The following TBL1X variants were observed in gnomAD, a reference collection of about 807,000 sequenced individuals.
The protein encoded by TBL1X is transducin beta like 1 X-linked, also known as F-box-like/WD repeat-containing protein TBL1X.
In TBL1X, 10 loss-of-function variants were observed where a neutral mutation model predicts 50.7. That is an observed-to-expected ratio of 0.20 (90% confidence interval 0.12 to 0.33). TBL1X has a LOEUF of 0.33. Among genes scored for constraint, TBL1X ranks in the 10% least tolerant of loss-of-function variants. The pLI, the probability that TBL1X is intolerant of heterozygous loss-of-function variation, is 1.00. For missense variants in TBL1X, 340 were observed against 504.4 expected (o/e 0.67, Z 3.12); for synonymous variants, 190 against 214.7 (o/e 0.88, Z 1.01).
At chrX:9,637,101 C>A (rs1254086483) in intron 2 of TBL1X, 3 of 112,196 alleles carry the variant, frequency 2.7e-5, no homozygotes. Flanking sequence ...AGGAAATACA[C>A]AAAGACTGCC....
rs201963539 is a variant in TBL1X at position 9,692,216 on chromosome X, G to A, written c.853G>A (p.Val285Ile). The A allele has an allele frequency of 1.3e-5, 15 of 1,199,917 alleles. No homozygotes were observed. The highest frequency in any genetic ancestry group is 1.8e-5 in the South Asian group (1 of 54,547). ...RHCIREGGHDVPSNKDVTSLD... is the reference protein window; with the variant it reads ...RHCIREGGHDIPSNKDVTSLD... ...CTGTATACGAGAGGGGGGCCATGAC[G>A]TCCCGAGTAACAAAGACGTCACCTC... Residue 285 changes from valine (V) to isoleucine (I), a missense_variant, in exon 9 of 18, where the codon GTC (valine) becomes ATC (isoleucine). By Grantham distance (29) the Val-to-Ile change is conservative. Coordinates refer to ENST00000645353, the MANE Select transcript of TBL1X (RefSeq NM_005647.4).
chrX:9,698,861 A>G (rs750581246), intron 12 of TBL1X, among the ~76,000 whole-genome samples: 2 of 107,009 alleles, frequency 1.9e-5, no homozygotes, highest in East Asian at 3.0e-4. Flanking sequence ...TCTGGAGCCA[A>G]CTACATCCCT....
intron 1 of TBL1X, among the ~76,000 whole-genome samples, chrX:9,478,565 T>C (rs957451031): frequency 3.6e-5 from 4 of 111,654 alleles, no homozygotes; most frequent in Non-Finnish European, 5.6e-5. Context: ...TAATAGGCCT[T>C]GTCCCAAACT....
At chrX:9,510,185 C>A (rs1348208324) in intron 2 of TBL1X, among the ~76,000 whole-genome samples, 1 of 111,633 alleles carries the variant, frequency 9.0e-6, no homozygotes, top group Non-Finnish European at 1.9e-5. Context: ...GGGCATCCTA[C>A]ACTGCCCAGG....
intron 12 of TBL1X, among the ~76,000 whole-genome samples, chrX:9,698,268 C>G (rs982231280): frequency 1.8e-5 from 2 of 111,374 alleles, no homozygotes; most frequent in Non-Finnish European, 3.8e-5. Flanking sequence ...GTGCGGGCTC[C>G]TTTCTCTTGC....
At chrX:9,580,554 G>A (rs2082435451) in intron 2 of TBL1X, among the ~76,000 whole-genome samples, 1 of 111,723 alleles carries the variant, frequency 9.0e-6, no homozygotes, top group Non-Finnish European at 1.9e-5. Flanking sequence ...GCAGTTCCCA[G>A]CTGGATTTTC....
chrX:9,666,182 G>A (rs2082929781), intron 5 of TBL1X, among the ~76,000 whole-genome samples: 2 of 111,670 alleles, frequency 1.8e-5, no homozygotes, highest in Admixed American at 1.9e-4. Context: ...TTAATTTGGG[G>A]GATCTGTTTT....
intron 1 of TBL1X, among the ~76,000 whole-genome samples, chrX:9,491,338 A>ATATATATATATATTT (rs1328551249): frequency 6.4e-5 from 2 of 31,314 alleles, no homozygotes; most frequent in Non-Finnish European, 1.1e-4. Flanking sequence ...ATATATATAT[A>ATATATATATATATTT]TTTTTTTTTT....
At chrX:9,687,611 C>G (rs181844324) in intron 6 of TBL1X, among the ~76,000 whole-genome samples, 1 of 110,990 alleles carries the variant, frequency 9.0e-6, no homozygotes, top group East Asian at 2.9e-4. Context: ...CCTCTCCTCC[C>G]TTAGTTGTAA....
At chrX:9,698,774 G>C (rs1379340252) in intron 12 of TBL1X, among the ~76,000 whole-genome samples, 1 of 112,057 alleles carries the variant, frequency 8.9e-6, no homozygotes, top group Admixed American at 9.4e-5. Flanking sequence ...GGCCGGCCTT[G>C]CAAGCAAGCC....
chrX:9,510,225 A>G (rs182701312), intron 2 of TBL1X, among the ~76,000 whole-genome samples: 11 of 111,403 alleles, frequency 9.9e-5, no homozygotes, highest in Non-Finnish European at 1.5e-4. Context: ...CCAGCCCTAA[A>G]TGTCTACAGT....
At chrX:9,702,184 C>A (rs1039410072) in intron 12 of TBL1X, among the ~76,000 whole-genome samples, 2 of 111,130 alleles carry the variant, frequency 1.8e-5, no homozygotes, top group African/African-American at 6.5e-5. Flanking sequence ...TCCTGTAATC[C>A]CAGCACTTTG....
chrX:9,491,309 TA>T (rs1569205429), intron 1 of TBL1X, among the ~76,000 whole-genome samples: 21 of 29,301 alleles, frequency 7.2e-4, no homozygotes, highest in African/African-American at 2.2e-3. Flanking sequence ...AGTATATTTA[TA>T]TATATATATA....
intron 2 of TBL1X, among the ~76,000 whole-genome samples, chrX:9,509,500 T>TTTC (rs1442012698): frequency 1.0e-5 from 1 of 97,830 alleles, no homozygotes; most frequent in Non-Finnish European, 2.1e-5. Flanking sequence ...TTTTTTTTTT[T>TTTC]TTGAGTCAGG....
rs746619781 is a variant in TBL1X, at chrX:9,684,276, C to T, written c.357+88C>T. 161 of 1,125,647 alleles carry T rather than the reference C, an allele frequency of 1.4e-4. No individual in the cohort carries two copies. In the African/African-American group the frequency reaches 2.5e-3, roughly 17 times the overall value. The allele number at this position is 1,125,647 out of a possible 1,213,427, so 92.8% of individuals were successfully genotyped here. On this transcript the variant is annotated intron_variant, in intron 6 of 17. Coordinates refer to ENST00000645353, the MANE Select transcript of TBL1X (RefSeq NM_005647.4). ...ACACATTGGAAGCTAACATGCATTT[C>T]CCTCAGGCATTTGGGATTAATTCCG...
chrX:9,498,914 G>C (rs1006366637), intron 1 of TBL1X, among the ~76,000 whole-genome samples: 2 of 112,198 alleles, frequency 1.8e-5, no homozygotes, highest in Non-Finnish European at 3.8e-5. Flanking sequence ...CTATCAGGCT[G>C]CTTTGCCCAG....
At chrX:9,541,080 A>G (rs1274849620) in intron 2 of TBL1X, among the ~76,000 whole-genome samples, 1 of 112,036 alleles carries the variant, frequency 8.9e-6, no homozygotes, top group East Asian at 2.8e-4. Context: ...GACAATATCA[A>G]AACATAACCA....
intron 12 of TBL1X, among the ~76,000 whole-genome samples, chrX:9,702,607 GAAAAAA>G (rs59896272): frequency 1.4e-5 from 1 of 70,073 alleles, no homozygotes; most frequent in African/African-American, 4.9e-5. Context: ...TCATCTCCAA[GAAAAAA>G]AAAAAAAAAA....
At chrX:9,587,551 C>CT (rs1170108148) in intron 2 of TBL1X, among the ~76,000 whole-genome samples, 8 of 111,656 alleles carry the variant, frequency 7.2e-5, no homozygotes, top group Non-Finnish European at 1.5e-4. Context: ...AGTGAAGAGA[C>CT]TGAGGTGCTT....
Sources: gnomAD v4.1 joint callset for allele counts (sites outside exome capture counted in the v4.1 genomes callset) on GRCh38, gnomAD v4.1.1 for gene constraint, MANE v1.5 for transcripts, NCBI Gene and HGNC (gene_info 2026-07-23, HGNC 2026-07-21) for gene names.